The following ZNF84 variants were observed in gnomAD, a reference collection of about 807,000 sequenced individuals.
ZNF84 encodes the protein zinc finger protein HPF2.
In ZNF84, 12 loss-of-function variants were observed where a neutral mutation model predicts 14.8. That is an observed-to-expected ratio of 0.81 (90% CI 0.52 to 1.31). The LOEUF is 1.31. Ranked by LOEUF, ZNF84 falls within the 50% of genes most tolerant of loss-of-function variation. ZNF84 has a pLI of 0.00. For synonymous variants in ZNF84, 347 were observed against 291.1 expected (o/e 1.19, Z -1.96); for missense variants, 859 against 878.6 (o/e 0.98, Z 0.28).
chr12:133,044,897 G>C (rs1363837426), intron 2 of ZNF84, among the ~76,000 whole-genome samples: 12 of 151,542 alleles, frequency 7.9e-5, no homozygotes, highest in Non-Finnish European at 1.6e-4. Flanking sequence ...CTGGGCAACA[G>C]AGCAAGACTC....
chr12:133,037,668 G>A (rs1486542792), intron 1 of ZNF84, 123 bp downstream of exon 1: 1 of 152,240 alleles, frequency 6.6e-6, no homozygotes, highest in African/African-American at 2.4e-5. Context: ...CGCGGATGCG[G>A]GTCTGGGGCG....
chr12:133,040,569 C>CAAAAAA (rs4061955), intron 1 of ZNF84: 9 of 91,054 alleles, frequency 9.9e-5, no homozygotes, highest in Non-Finnish European at 1.3e-4. Flanking sequence ...AAGACCGTAC[C>CAAAAAA]AAAAAAAAAA....
chr12:133,048,970 G>C (rs905472322), intron 4 of ZNF84, 122 bp downstream of exon 4: 1 of 698,060 alleles, frequency 1.4e-6, no homozygotes, highest in Admixed American at 2.5e-5. Flanking sequence ...GTCAGTGACG[G>C]GTGGGCTGGT....
chr12:133,043,720 C>T (rs1169986472), intron 2 of ZNF84, among the ~76,000 whole-genome samples: 1 of 152,006 alleles, frequency 6.6e-6, no homozygotes, highest in Non-Finnish European at 1.5e-5. Context: ...AATATTTTGG[C>T]ATATTGACTT....
rs769683469 is a variant in ZNF84 at position 133,051,759 on chromosome 12, T to C, written c.238+2911T>C. On this transcript the variant is annotated intron_variant, in intron 4 of 4. Transcript: ENST00000539354. ...GTGATCATATTGTTTGTATACAGTC[T>C]CGGCATAGTAATTATCAGTTAGGAA... Among the ~76,000 whole-genome samples the C allele has an allele frequency of 6.6e-5, 10 of 152,268 alleles. No homozygotes were observed. In the East Asian group the frequency reaches 1.5e-3, roughly 24 times the overall value.
rs1954209163 is a variant in ZNF84, at chr12:133,058,875, C to T, written c.2160C>T (p.Phe720=). The T allele has an allele frequency of 7.4e-6, 12 of 1,613,258 alleles. No individual in the cohort carries two copies. The East Asian group carries it at 2.2e-4, about 30-fold the overall frequency. Residue 720 remains phenylalanine (F), a synonymous_variant, in exon 5 of 5, where the codon TTC becomes TTT. Transcript: ENST00000539354. ...GATGCATTGAATGTGGGAAAGCTTT[C>T]TCACAGAAGTCACAGCTCATCAATC... ...PYRCIECGKA[F]SQKSQLINHQ...
intron 4 of ZNF84, among the ~76,000 whole-genome samples, chr12:133,056,334 A>G (rs770830809): frequency 4.5e-4 from 68 of 151,866 alleles, no homozygotes; most frequent in African/African-American, 8.2e-4. Context: ...GCTCACTGCA[A>G]TCTCCGCCTC....
In ZNF84 at chr12:133,057,563, G is replaced by A. The variant is rs1370667828; in HGVS notation, c.848G>A (p.Arg283Gln). The A allele has an allele frequency of 1.7e-5, 27 of 1,613,948 alleles. No individual in the cohort carries two copies. Among genetic ancestry groups the A allele is most frequent in the African/African-American group, 2.7e-5 (2 of 74,890 alleles). Residue 283 changes from arginine to glutamine, a missense_variant, in exon 5 of 5, where the codon CGG (arginine) becomes CAG (glutamine). By Grantham distance (43) the Arg-to-Gln change is conservative. Coordinates refer to ENST00000539354, the MANE Select transcript of ZNF84 (RefSeq NM_001289971.2). ...AAGTCACAGCTCACATCCCATCAGC[G>A]GACACATACAGGAGAGAAACCTTAT... ...SQKSQLTSHQ[R>Q]THTGEKPYEC...
chr12:133,037,813 TCGGGCG>T (rs1953811668), intron 1 of ZNF84: 1 of 46,576 alleles, frequency 2.1e-5, no homozygotes, highest in South Asian at 8.7e-4. Flanking sequence ...GGCGCCAGCC[TCGGGCG>T]CGTTTAGCCT....
Position 133,059,122 on chromosome 12 carries a change from T to A in ZNF84, c.*190T>A. On this transcript the variant is annotated 3_prime_UTR_variant, in exon 5 of 5. Transcript: ENST00000539354. The stretch of plus-strand genomic sequence containing the variant: ...AGTGAACCTATGACTGCAGTGGATC[T>A]CAAAAACTTTTAAAACCATAGACAA... 5.3e-6 allele frequency: 3 copies of A among 567,596 alleles called. No homozygotes were observed. Among genetic ancestry groups the A allele is most frequent in the Non-Finnish European group, 8.9e-6 (3 of 336,814 alleles). 35.2% of individuals were successfully genotyped at this position (567,596 alleles called of 1,614,324 possible). A position where few individuals can be genotyped will look rare whatever the true frequency, so the allele number is the denominator to read the frequency against.
At chr12:133,050,417 A>G (rs1954051394) in intron 4 of ZNF84, 1 of 398,326 alleles carries the variant, frequency 2.5e-6, no homozygotes, top group African/African-American at 2.1e-5. Flanking sequence ...TTTCAGCTCA[A>G]GAAAGTTCTT....
At chr12:133,043,236 G>A (rs1366751822) in intron 2 of ZNF84, among the ~76,000 whole-genome samples, 1 of 152,032 alleles carries the variant, frequency 6.6e-6, no homozygotes, top group African/African-American at 2.4e-5. Flanking sequence ...GGAGTGCAAT[G>A]GCACAATCTC....
In ZNF84 at chr12:133,061,823, A is replaced by T. The variant is rs1954269483; in HGVS notation, c.*2891A>T. The T allele has an allele frequency of 1.3e-5, 2 of 152,208 alleles. No homozygotes were observed. Among genetic ancestry groups the T allele is most frequent in the African/African-American group, 4.8e-5 (2 of 41,452 alleles). 9.4% of individuals were successfully genotyped at this position (152,208 alleles called of 1,614,324 possible). On this transcript the variant is annotated 3_prime_UTR_variant, in exon 5 of 5. Transcript: ENST00000539354. ...ACAGCAGAGGTCTAGTTAAAAACTG[A>T]TGCAGAGGTTCAAATACGTTGTGCA...
At chr12:133,043,310 G>A (rs939011527) in intron 2 of ZNF84, among the ~76,000 whole-genome samples, 20 of 151,938 alleles carry the variant, frequency 1.3e-4, no homozygotes, top group Non-Finnish European at 1.8e-4. Flanking sequence ...GACTACAGGC[G>A]CACGCTCCCA....
Position 133,059,852 on chromosome 12 carries a change from G to C in ZNF84, c.*920G>C, listed in dbSNP as rs1253474319. 1.3e-5 allele frequency: 2 copies of C among 152,160 alleles called. No homozygotes were observed. The highest frequency in any genetic ancestry group is 2.9e-5 in the Non-Finnish European group (2 of 68,008). The allele number at this position is 152,160 out of a possible 1,614,324, so 9.4% of individuals were successfully genotyped here. The stretch of plus-strand genomic sequence containing the variant: ...GATAACCCGTTTCTTTTAACTTATA[G>C]ACATACATAAGGGGTCTTTTGTTTT... On this transcript the variant is annotated 3_prime_UTR_variant, in exon 5 of 5. Transcript: ENST00000539354.
At chr12:133,048,576 C>A in intron 3 of ZNF84, 177 bp from the exon 4 acceptor site, 1 of 473,870 alleles carries the variant, frequency 2.1e-6, no homozygotes, top group Non-Finnish European at 3.9e-6. Flanking sequence ...TGTTCAGTGG[C>A]TTTGTACTAG....
intron 4 of ZNF84, among the ~76,000 whole-genome samples, chr12:133,049,563 T>G (rs1193194445): frequency 2.0e-5 from 3 of 152,028 alleles, no homozygotes; most frequent in Non-Finnish European, 4.4e-5. Context: ...GGCTCACTAC[T>G]CCACCTCCTA....
Position 133,062,709 on chromosome 12 carries a change from GCTT to G in ZNF84, c.*3778_*3780del, listed in dbSNP as rs1176420849. ...ATGCCTCATGTTGAAATATCGTGTG[GCTT>G]ATTGTGGACTTAAAGTGTAACATTC... On this transcript the variant is annotated 3_prime_UTR_variant, in exon 5 of 5. Coordinates refer to ENST00000539354, the MANE Select transcript of ZNF84 (RefSeq NM_001289971.2). 6.4e-5 allele frequency: 13 copies of G among 202,750 alleles called. No homozygotes were observed. Among genetic ancestry groups the G allele is most frequent in the Non-Finnish European group, 5.1e-5 (5 of 98,648 alleles). 12.6% of individuals were successfully genotyped at this position (202,750 alleles called of 1,614,324 possible). A position where few individuals can be genotyped will look rare whatever the true frequency, so the allele number is the denominator to read the frequency against.
chr12:133,052,097 G>A (rs1469908341), intron 4 of ZNF84, among the ~76,000 whole-genome samples: 1 of 152,128 alleles, frequency 6.6e-6, no homozygotes, highest in Admixed American at 6.5e-5. Context: ...AATTAGATGA[G>A]AGAATGGGTT....
Sources: gnomAD v4.1 joint callset for allele counts (sites outside exome capture counted in the v4.1 genomes callset) on GRCh38, gnomAD v4.1.1 for gene constraint, MANE v1.5 for transcripts, NCBI Gene and HGNC (gene_info 2026-07-23, HGNC 2026-07-21) for gene names.